The following GPHN variants were observed in gnomAD, a reference collection of about 807,000 sequenced individuals.
GPHN encodes gephyrin.
GPHN carries 17 observed loss-of-function variants against 95.5 expected under a neutral mutation model. The observed-to-expected ratio is 0.18, with a 90% CI of 0.12 to 0.27. The LOEUF (loss-of-function observed/expected upper bound fraction) is 0.27, where lower values mean the gene tolerates loss of function less well. Among genes scored for constraint, GPHN ranks in the 10% least tolerant of loss-of-function variants. The pLI is 1.00. For synonymous variants in GPHN, 320 were observed against 322.5 expected (o/e 0.99, Z 0.08); for missense variants, 660 against 978.1 (o/e 0.67, Z 4.34).
chr14:66,539,106 C>A (rs968671960), intron 1 of GPHN, among the ~76,000 whole-genome samples: 1 of 152,148 alleles, frequency 6.6e-6, no homozygotes, highest in African/African-American at 2.4e-5. Flanking sequence ...TGCAGGAGAT[C>A]TAATTCTGTT....
At chr14:66,884,578 GT>G (rs33920320) in intron 5 of GPHN, among the ~76,000 whole-genome samples, 48,061 of 150,368 alleles carry the variant, frequency 0.32, 11,972 homozygotes, top group African/African-American at 0.67. Context: ...TTCCCTACTT[GT>G]TTTTTTTTAA....
chr14:66,637,640 A>G (rs894587843), intron 1 of GPHN, among the ~76,000 whole-genome samples: 2 of 152,190 alleles, frequency 1.3e-5, no homozygotes, highest in Non-Finnish European at 2.9e-5. Flanking sequence ...TAAAAGGACT[A>G]CCATGTTTAA....
At position 66,888,964 on chromosome 14, in the gene GPHN, A is replaced by G. The variant is rs141533159; in HGVS notation, c.389+8931A>G. Among the ~76,000 whole-genome samples, 466 of 152,296 alleles carry G rather than the reference A, an allele frequency of 3.1e-3. 3 individuals carry two copies. The highest frequency in any genetic ancestry group is 0.011 in the African/African-American group (457 of 41,576). On this transcript the variant is annotated intron_variant, in intron 5 of 22. Coordinates refer to ENST00000478722, the MANE Select transcript of GPHN (RefSeq NM_020806.5). ...ATATCAAATAAATTTTAAATCAAAA[A>G]TGTTTAAATATCTTAAATCCAAAAA...
At chr14:67,393,344 G>T in the GPHN span, 2 of 797,660 alleles carry the variant, frequency 2.5e-6, no homozygotes, top group Non-Finnish European at 2.3e-6. Context: ...GTGGCAAATG[G>T]TGTGACACAC....
chr14:67,158,199 C>T (rs1412772779), intron 18 of GPHN, among the ~76,000 whole-genome samples: 4 of 148,552 alleles, frequency 2.7e-5, no homozygotes, highest in Non-Finnish European at 6.0e-5. Context: ...CCCAGCTACT[C>T]GGGAGGCTGA....
intron 1 of GPHN, among the ~76,000 whole-genome samples, chr14:66,620,748 A>G (rs990652633): frequency 3.3e-5 from 5 of 152,140 alleles, no homozygotes; most frequent in African/African-American, 1.2e-4. Flanking sequence ...GTTTTAACTC[A>G]TTTCAGCTTT....
At chr14:67,578,441 G>A in the GPHN span, 2 of 974,154 alleles carry the variant, frequency 2.1e-6, no homozygotes, top group Admixed American at 4.0e-5. This position sits in a 1 kb window ranked among gnomAD's most constrained non-coding sequence, Gnocchi z 5.0. Context: ...CTGGTTTGGG[G>A]AAAGAGTGCT....
At chr14:67,130,321 C>A (rs2079623038) in intron 17 of GPHN, among the ~76,000 whole-genome samples, 1 of 152,084 alleles carries the variant, frequency 6.6e-6, no homozygotes. Context: ...TCATTATGTT[C>A]ATGAGTACCC....
chr14:67,439,585 C>CTTTT, the GPHN span, among the ~76,000 whole-genome samples: 1,098 of 132,364 alleles, frequency 8.3e-3, 25 homozygotes, highest in African/African-American at 0.032. Context: ...TTCTTTCTTT[C>CTTTT]TTTCTTTCTT....
the GPHN span, chr14:67,579,722 T>G: frequency 6.2e-7 from 1 of 1,611,878 alleles, no homozygotes; most frequent in Non-Finnish European, 8.5e-7. Flanking sequence ...CCGCCTCAGG[T>G]GGTTGGTTTT....
chr14:67,611,779 G>T, the GPHN span, among the ~76,000 whole-genome samples: 9 of 152,282 alleles, frequency 5.9e-5, 1 homozygote, highest in East Asian at 1.3e-3. Flanking sequence ...AGACCAGGGT[G>T]GGGGGATGGT....
chr14:66,575,106 A>G (rs1219819340), intron 1 of GPHN, among the ~76,000 whole-genome samples: 1 of 152,178 alleles, frequency 6.6e-6, no homozygotes, highest in East Asian at 1.9e-4. Flanking sequence ...TGACTAATAC[A>G]GTGAGTCTGG....
chr14:66,975,231 T>G (rs2153594712), intron 9 of GPHN, among the ~76,000 whole-genome samples: 1 of 152,344 alleles, frequency 6.6e-6, no homozygotes, highest in Non-Finnish European at 1.5e-5. Context: ...TATTTTCTAG[T>G]TTTAAAAACA....
chr14:67,312,364 G>A, the GPHN span, among the ~76,000 whole-genome samples: 422 of 152,144 alleles, frequency 2.8e-3, 2 homozygotes, highest in African/African-American at 9.7e-3. Context: ...GATCGCTTGA[G>A]GCTAGAAATT....
At chr14:67,235,915 A>G in the GPHN span, among the ~76,000 whole-genome samples, 2 of 152,086 alleles carry the variant, frequency 1.3e-5, no homozygotes, top group African/African-American at 4.8e-5. Flanking sequence ...TCACTCAGTC[A>G]TTCACATTTA....
chr14:66,688,279 G>A (rs902843049), intron 2 of GPHN, among the ~76,000 whole-genome samples: 1 of 152,166 alleles, frequency 6.6e-6, no homozygotes, highest in Non-Finnish European at 1.5e-5. Flanking sequence ...AGGAAAAGGA[G>A]TTGGTTTTGC....
At chr14:66,961,900 G>GTATATATATATATATGTGTATA (rs2068930764) in intron 8 of GPHN, among the ~76,000 whole-genome samples, 7 of 53,006 alleles carry the variant, frequency 1.3e-4, no homozygotes, top group African/African-American at 3.8e-4. Context: ...CCCTGAATGT[G>GTATATATATATATATGTGTATA]TATATATATA....
chr14:66,962,402 T>A lies in GPHN; in HGVS notation c.829-2789T>A, dbSNP rs368587511. On this transcript the variant is annotated intron_variant, in intron 8 of 22. Transcript: ENST00000478722. ...TATGTAATGAAATTGTAAATTTATG[T>A]TTACTGATATTAACTGGATCCACAA... Among the ~76,000 whole-genome samples the A allele has an allele frequency of 8.6e-5, 13 of 151,852 alleles. No individual in the cohort carries two copies. The East Asian group carries it at 9.7e-4, about 11-fold the overall frequency.
intron 11 of GPHN, among the ~76,000 whole-genome samples, chr14:67,071,137 A>T (rs1470115093): frequency 1.3e-5 from 2 of 152,208 alleles, no homozygotes; most frequent in Non-Finnish European, 2.9e-5. Flanking sequence ...TACTGGGCAT[A>T]TACCCAAAGG....
Sources: gnomAD v4.1 joint callset for allele counts (sites outside exome capture counted in the v4.1 genomes callset) on GRCh38, gnomAD v4.1.1 for gene constraint, Gnocchi (gnomAD v3.1) non-coding constraint, MANE v1.5 for transcripts, NCBI Gene and HGNC (gene_info 2026-07-23, HGNC 2026-07-21) for gene names.